IGF2R: variants seen among roughly 807,000 people sequenced by gnomAD.
The protein encoded by IGF2R is cation-independent mannose-6-phosphate receptor.
Under a neutral mutation model 270.6 loss-of-function variants are expected in IGF2R, and 91 were observed. The ratio of observed to expected loss-of-function variants is 0.34; its 90% CI spans 0.28 to 0.40. The LOEUF (loss-of-function observed/expected upper bound fraction) is 0.40, where lower values mean the gene tolerates loss of function less well. Ranked by LOEUF, IGF2R falls within the 10% of genes least tolerant of loss-of-function variation. IGF2R has a pLI of 1.00. For synonymous variants in IGF2R, 1,316 were observed against 1,258.9 expected, an observed-to-expected ratio of 1.05 and a Z score of -0.96; for missense variants, 2,805 against 3,188.3, an observed-to-expected ratio of 0.88 and a Z score of 2.90.
rs117395491 is a variant in IGF2R at position 160,063,332 on chromosome 6, C to T, written c.3671-83C>T. The T allele has an allele frequency of 1.4e-3, 1,507 of 1,111,936 alleles. 27 individuals are homozygous for T. In the East Asian group the frequency reaches 0.029, roughly 21 times the overall value. The allele number at this position is 1,111,936 out of a possible 1,614,324, so 68.9% of individuals were successfully genotyped here. ...GATTACAGGCGTGAGCCACTGCGCC[C>T]GGCCATTTGTAAAGCTTTTTGCTTG... is the stretch of plus-strand genomic sequence containing the variant. On this transcript the variant is annotated intron_variant, in intron 26 of 47. Coordinates refer to ENST00000356956, the MANE Select transcript of IGF2R (RefSeq NM_000876.4).
In IGF2R at chr6:160,063,484, A is replaced by C; in HGVS notation, c.3740A>C (p.Asp1247Ala). The stretch of plus-strand genomic sequence containing the variant: ...GACCTGAAGCCCCTGGGCCTCAACG[A>C]CACCATCGTGAGCGCTGGCGAATAC... ...LYDLKPLGLN[D>A]TIVSAGEYTY... The change falls in exon 27 of 48, where the codon GAC becomes GCC. Residue 1247 changes from aspartate (D) to alanine (A), a missense_variant. Asp to Ala is a moderately radical substitution (Grantham distance 126). This residue lies in a region of IGF2R where 1,851 missense variants were observed against 2,207.2 expected (regional missense o/e 0.84). Transcript: ENST00000356956. The C allele has an allele frequency of 6.2e-7, 1 of 1,613,696 alleles. No individual in the cohort carries two copies. The highest frequency in any genetic ancestry group is 8.5e-7 in the Non-Finnish European group (1 of 1,180,008).
In IGF2R at chr6:160,073,943, G is replaced by T; in HGVS notation, c.5134G>T (p.Val1712Leu). 1 of 1,613,752 alleles carries T rather than the reference G, an allele frequency of 6.2e-7. No homozygotes were observed. The highest frequency in any genetic ancestry group is 8.5e-7 in the Non-Finnish European group (1 of 1,179,746). ...AGTGCCCTGTCCTGCCGGAGCCGCTGTGTGCAAAGTTCCTATTGATGGTCC... is the reference window on the plus strand; with the variant it reads ...AGTGCCCTGTCCTGCCGGAGCCGCTTTGTGCAAAGTTCCTATTGATGGTCC... ...HGVPCPAGAAVCKVPIDGPPI... is the reference protein window; with the variant it reads ...HGVPCPAGAALCKVPIDGPPI... Residue 1712 changes from valine (V) to leucine (L), a missense_variant, in exon 35 of 48, where the codon GTG becomes TTG. By Grantham distance (32) the Val-to-Leu change is conservative. Transcript: ENST00000356956.
chr6:160,073,111 G>A (rs1223705048), intron 33 of IGF2R, 102 bp from the exon 34 acceptor site: 2 of 1,489,688 alleles, frequency 1.3e-6, no homozygotes, highest in Non-Finnish European at 1.8e-6. Flanking sequence ...AGTTATAAGT[G>A]TTGGCTATGA....
At chr6:160,078,672 C>T (rs1778908070) in intron 37 of IGF2R, among the ~76,000 whole-genome samples, 1 of 152,150 alleles carries the variant, frequency 6.6e-6, no homozygotes, top group South Asian at 2.1e-4. Context: ...GGTGGGGCAG[C>T]CCGGAGACAT....
In IGF2R at chr6:160,104,889, TG is replaced by T. The variant is rs746239467; in HGVS notation, c.7285del (p.Ala2429GlnfsTer7). 2.5e-6 allele frequency: 4 copies of T among 1,614,070 alleles called. No homozygotes were observed. In the South Asian group the frequency reaches 4.4e-5, roughly 18 times the overall value. ...EVKVHSGRGA[G>X]AESSHPVRNA... ...TGAAAGTTCACTCGGGCAGGGGAGCTGGGGCAGAGAGCTCCCACCCAGTGAG... is the reference window on the plus strand; with the variant it reads ...TGAAAGTTCACTCGGGCAGGGGAGCTGGGCAGAGAGCTCCCACCCAGTGAG... On this transcript the variant is annotated frameshift_variant, in exon 48 of 48. Transcript: ENST00000356956. LOFTEE classifies it low-confidence loss of function (END_TRUNC).
At chr6:160,097,898 T>C (rs1454464339) in intron 45 of IGF2R, among the ~76,000 whole-genome samples, 2 of 152,206 alleles carry the variant, frequency 1.3e-5, no homozygotes, top group Non-Finnish European at 2.9e-5. Context: ...TACTTAGGGA[T>C]CCTCAGCTGC....
intron 1 of IGF2R, among the ~76,000 whole-genome samples, chr6:159,970,946 G>T (rs148136287): frequency 3.3e-5 from 5 of 152,218 alleles, no homozygotes; most frequent in Admixed American, 6.5e-5. Context: ...CGGGCGCGGT[G>T]GCACACTCCT....
intron 45 of IGF2R, among the ~76,000 whole-genome samples, chr6:160,096,956 C>T (rs1779374836): frequency 6.6e-6 from 1 of 152,216 alleles, no homozygotes; most frequent in Admixed American, 6.5e-5. Context: ...TGCTGCCTCC[C>T]TCTCCTTAGC....
intron 1 of IGF2R, among the ~76,000 whole-genome samples, chr6:159,980,912 G>C (rs554815588): frequency 1.3e-5 from 2 of 152,382 alleles, no homozygotes; most frequent in African/African-American, 4.8e-5. Context: ...GAGGAGCAAA[G>C]TATGAGACCG....
intron 10 of IGF2R, among the ~76,000 whole-genome samples, chr6:160,038,164 T>G (rs1467107459): frequency 6.6e-6 from 1 of 152,154 alleles, no homozygotes; most frequent in Admixed American, 6.5e-5. Flanking sequence ...CACAAAGTGG[T>G]GTGCTGGAGA....
intron 44 of IGF2R, chr6:160,095,246 T>C (rs1459630905): frequency 1.3e-5 from 2 of 152,334 alleles, no homozygotes; most frequent in African/African-American, 4.8e-5. Context: ...GACAATATGC[T>C]TGGGGACTTT....
At chr6:160,079,312 C>T (rs112849115) in intron 37 of IGF2R, among the ~76,000 whole-genome samples, 4 of 152,208 alleles carry the variant, frequency 2.6e-5, no homozygotes, top group East Asian at 1.9e-4. Context: ...TGACTGGAGA[C>T]GACAGCCAGA....
At chr6:160,092,129 C>T (rs1779240795) in intron 44 of IGF2R, among the ~76,000 whole-genome samples, 2 of 114,844 alleles carry the variant, frequency 1.7e-5, no homozygotes, top group African/African-American at 3.4e-5. Flanking sequence ...AGTGCCCCTC[C>T]TGGGAAGGCC....
intron 42 of IGF2R, 73 bp from the exon 43 acceptor site, chr6:160,089,034 T>A (rs1022146672): frequency 6.7e-7 from 1 of 1,483,990 alleles, no homozygotes; most frequent in African/African-American, 1.4e-5. Flanking sequence ...GGCTCCGCAG[T>A]GTTCATTGTT....
rs767179912 is a variant in IGF2R at position 160,045,849 on chromosome 6, G to T, written c.1870G>T (p.Gly624Trp). The T allele has an allele frequency of 6.2e-7, 1 of 1,601,122 alleles. No individual in the cohort carries two copies. Among genetic ancestry groups the T allele is most frequent in the Non-Finnish European group, 8.5e-7 (1 of 1,173,880 alleles). ...GGCCTGTGTGCTGTCTAAGACAGAAGGGGAGAACTGCACGGTCTTTGACTC... is the reference window on the plus strand; with the variant it reads ...GGCCTGTGTGCTGTCTAAGACAGAATGGGAGAACTGCACGGTCTTTGACTC... ...AAACVLSKTE[G>W]ENCTVFDSQA... Residue 624 changes from glycine (G) to tryptophan (W), a missense_variant, in exon 14 of 48, where the codon GGG becomes TGG. Physicochemically the swap from Gly to Trp is radical, Grantham distance 184. Coordinates refer to ENST00000356956, the MANE Select transcript of IGF2R (RefSeq NM_000876.4).
At chr6:160,073,688 T>G in intron 34 of IGF2R, 69 bp from the exon 35 acceptor site, 3 of 1,319,508 alleles carry the variant, frequency 2.3e-6, no homozygotes. Flanking sequence ...TTTTAAATTC[T>G]TATGGATGAC....
intron 2 of IGF2R, among the ~76,000 whole-genome samples, chr6:159,997,163 A>G (rs977777125): frequency 6.6e-6 from 1 of 152,196 alleles, no homozygotes; most frequent in Non-Finnish European, 1.5e-5. Context: ...GCTCCTGGGC[A>G]CAGGAAAGTG....
intron 1 of IGF2R, among the ~76,000 whole-genome samples, chr6:159,981,930 G>C (rs146708726): frequency 2.2e-4 from 34 of 152,296 alleles, no homozygotes; most frequent in African/African-American, 7.9e-4. Flanking sequence ...AAAGGCTGAC[G>C]TTTGGCATTT....
intron 41 of IGF2R, among the ~76,000 whole-genome samples, chr6:160,086,093 G>C (rs141713075): frequency 0.012 from 1,858 of 152,306 alleles, 15 homozygotes; most frequent in Middle Eastern, 0.027. Context: ...AACACTTAAG[G>C]CTTCCTAAAA....
Sources: gnomAD v4.1 joint callset for allele counts (sites outside exome capture counted in the v4.1 genomes callset) on GRCh38, gnomAD v4.1.1 for gene constraint, gnomAD v4.1.1 regional missense constraint, MANE v1.5 for transcripts, NCBI Gene and HGNC (gene_info 2026-07-23, HGNC 2026-07-21) for gene names.